Variants in ATG10 observed in about 807,000 individuals in gnomAD.
ATG10 encodes the protein ubiquitin-like-conjugating enzyme ATG10.
Under a neutral mutation model 32.1 loss-of-function variants are expected in ATG10, and 30 were observed. That is an observed-to-expected ratio of 0.94 (90% CI 0.70 to 1.27). The LOEUF (loss-of-function observed/expected upper bound fraction) is 1.27. ATG10 is among the 50% of genes most tolerant of loss of function. ATG10 has a pLI of 0.00. For synonymous variants in ATG10, 87 were observed against 91.5 expected, an observed-to-expected ratio of 0.95 and a Z score of 0.28; for missense variants, 233 against 262.3, an observed-to-expected ratio of 0.89 and a Z score of 0.77.
chr5:82,240,119 A>G (rs985899572), intron 5 of ATG10, among the ~76,000 whole-genome samples: 5 of 152,262 alleles, frequency 3.3e-5, no homozygotes, highest in Admixed American at 2.0e-4. Flanking sequence ...TGAGGCTCCT[A>G]AAAAAACTAA....
chr5:82,110,935 G>C (rs1765599362), intron 3 of ATG10, among the ~76,000 whole-genome samples: 1 of 151,992 alleles, frequency 6.6e-6, no homozygotes, highest in African/African-American at 2.4e-5. Context: ...TGAAATAAGT[G>C]CTTCTTTACT....
intron 3 of ATG10, among the ~76,000 whole-genome samples, chr5:82,144,110 G>A (rs1355743453): frequency 6.6e-6 from 1 of 151,802 alleles, no homozygotes; most frequent in Non-Finnish European, 1.5e-5. Flanking sequence ...TAAATTTTTG[G>A]TGTACATTAT....
At chr5:82,125,285 G>A (rs1766219893) in intron 3 of ATG10, among the ~76,000 whole-genome samples, 1 of 152,124 alleles carries the variant, frequency 6.6e-6, no homozygotes, top group East Asian at 1.9e-4. Context: ...AAGCTCTTTA[G>A]TTTAATTAGA....
chr5:81,988,415 A>G (rs942621631), intron 2 of ATG10, among the ~76,000 whole-genome samples: 1 of 152,166 alleles, frequency 6.6e-6, no homozygotes, highest in Non-Finnish European at 1.5e-5. Flanking sequence ...CTGGGATTAT[A>G]GGCGTGAGCC....
At chr5:82,065,349 C>T (rs187478946) in intron 3 of ATG10, among the ~76,000 whole-genome samples, 6 of 151,866 alleles carry the variant, frequency 4.0e-5, no homozygotes, top group East Asian at 1.9e-4. Flanking sequence ...ATTAGCTGGG[C>T]GTGGTGGCAG....
intron 2 of ATG10, among the ~76,000 whole-genome samples, chr5:82,037,153 A>AT (rs1762950524): frequency 6.7e-6 from 1 of 149,070 alleles, no homozygotes; most frequent in Non-Finnish European, 1.5e-5. Context: ...AAAAAAAAAA[A>AT]AATTCAGTTG....
chr5:81,978,348 G>A lies in ATG10; in HGVS notation c.-13+6042G>A, dbSNP rs1182488891. Reference sequence around the variant, plus strand: ...GCCTCCCAAAATGCTGGGATTACAGGCATGAGCCACTGCTCCTTTCTGTCT... The same window carrying A: ...GCCTCCCAAAATGCTGGGATTACAGACATGAGCCACTGCTCCTTTCTGTCT... On this transcript the variant is annotated intron_variant, in intron 1 of 7. Coordinates refer to ENST00000282185, the MANE Select transcript of ATG10 (RefSeq NM_031482.5). Among the ~76,000 whole-genome samples the A allele has an allele frequency of 2.6e-5, 4 of 152,166 alleles. No homozygotes were observed. In the East Asian group the frequency reaches 7.7e-4, roughly 29 times the overall value.
chr5:82,234,204 G>C (rs933971608), intron 5 of ATG10, among the ~76,000 whole-genome samples: 12 of 152,148 alleles, frequency 7.9e-5, no homozygotes, highest in Admixed American at 2.6e-4. Context: ...AGAAGTTTAT[G>C]TCATACTTTT....
chr5:82,068,823 T>C (rs10942291), intron 3 of ATG10, among the ~76,000 whole-genome samples: 35,792 of 149,614 alleles, frequency 0.24, 4,597 homozygotes, highest in South Asian at 0.36. Context: ...GTGGCTCTTT[T>C]TTCATGAAGA....
intron 3 of ATG10, among the ~76,000 whole-genome samples, chr5:82,163,036 T>C (rs536557420): frequency 6.6e-6 from 1 of 152,250 alleles, no homozygotes; most frequent in East Asian, 1.9e-4. Flanking sequence ...CAAGATAGAA[T>C]TATTTTATAA....
chr5:82,167,126 C>A (rs1743615008), intron 4 of ATG10, among the ~76,000 whole-genome samples: 1 of 152,130 alleles, frequency 6.6e-6, no homozygotes. Flanking sequence ...TTCCACCAGG[C>A]CAATTACTAG....
chr5:82,194,907 C>G (rs1048518095), intron 5 of ATG10, among the ~76,000 whole-genome samples: 22 of 152,266 alleles, frequency 1.4e-4, no homozygotes, highest in African/African-American at 4.8e-4. Context: ...AATAGTGACT[C>G]CCTTGCTTCT....
intron 4 of ATG10, among the ~76,000 whole-genome samples, chr5:82,177,923 G>A (rs994138060): frequency 3.3e-5 from 5 of 151,976 alleles, no homozygotes; most frequent in African/African-American, 1.2e-4. Flanking sequence ...TCTTCTTCAG[G>A]CAGAGACCAC....
intron 3 of ATG10, among the ~76,000 whole-genome samples, chr5:82,091,588 A>G (rs1261814299): frequency 6.6e-6 from 1 of 152,174 alleles, no homozygotes; most frequent in Non-Finnish European, 1.5e-5. Context: ...ATCAGATTTA[A>G]TCTTACTATT....
chr5:82,136,604 C>T (rs544152566), intron 3 of ATG10, among the ~76,000 whole-genome samples: 13 of 152,328 alleles, frequency 8.5e-5, no homozygotes, highest in African/African-American at 3.1e-4. Context: ...CACTGTTAGT[C>T]TGATGGGCTT....
chr5:82,064,897 A>G (rs989147300), intron 3 of ATG10, among the ~76,000 whole-genome samples: 5 of 152,188 alleles, frequency 3.3e-5, no homozygotes, highest in Non-Finnish European at 1.5e-5. Flanking sequence ...CATGATATTG[A>G]TATCTTTATT....
At chr5:82,060,318 T>C (rs1443744217) in intron 3 of ATG10, among the ~76,000 whole-genome samples, 1 of 152,206 alleles carries the variant, frequency 6.6e-6, no homozygotes, top group East Asian at 1.9e-4. Context: ...TATATGTTGA[T>C]CCCTCTGTCT....
At chr5:82,239,532 G>A (rs1329727863) in intron 5 of ATG10, among the ~76,000 whole-genome samples, 3 of 152,144 alleles carry the variant, frequency 2.0e-5, no homozygotes, top group Admixed American at 2.0e-4. Flanking sequence ...AGATGGAGGA[G>A]ACCTGATTGG....
intron 2 of ATG10, among the ~76,000 whole-genome samples, chr5:82,044,666 T>A (rs550491685): frequency 6.6e-6 from 1 of 152,278 alleles, no homozygotes; most frequent in South Asian, 2.1e-4. Context: ...TTAGACTAGG[T>A]CTGATTTGGA....
Sources: gnomAD v4.1 joint callset for allele counts (sites outside exome capture counted in the v4.1 genomes callset) on GRCh38, gnomAD v4.1.1 for gene constraint, MANE v1.5 for transcripts, NCBI Gene and HGNC (gene_info 2026-07-23, HGNC 2026-07-21) for gene names.